Variants in PCDH9 observed in about 807,000 individuals in gnomAD.
The protein encoded by PCDH9 is protocadherin 9, also known as protocadherin-9.
A neutral mutation model predicts 70.6 loss-of-function variants in PCDH9; 24 were observed. That is an observed-to-expected ratio of 0.34 (90% confidence interval 0.25 to 0.48). PCDH9 has a LOEUF of 0.48. Ranked by LOEUF, PCDH9 falls within the 20% of genes least tolerant of loss-of-function variation. The pLI is 0.99. For synonymous variants in PCDH9, 562 were observed against 558.5 expected (o/e 1.01, Z -0.09); for missense variants, 1,281 against 1,503.6 (o/e 0.85, Z 2.45).
chr13:66,651,916 A>T (rs2077857802), intron 3 of PCDH9, among the ~76,000 whole-genome samples: 1 of 152,076 alleles, frequency 6.6e-6, no homozygotes, highest in Non-Finnish European at 1.5e-5. Flanking sequence ...AAACCATAAC[A>T]TCCTTTCAAC....
At chr13:66,402,867 A>G (rs184685925) in intron 4 of PCDH9, among the ~76,000 whole-genome samples, 1 of 152,316 alleles carries the variant, frequency 6.6e-6, no homozygotes, top group Non-Finnish European at 1.5e-5. Flanking sequence ...TTATGTCTCT[A>G]AGTGTTTTAA....
At chr13:67,118,985 C>T (rs1330414288) in intron 2 of PCDH9, among the ~76,000 whole-genome samples, 1 of 152,132 alleles carries the variant, frequency 6.6e-6, no homozygotes, top group African/African-American at 2.4e-5. Context: ...GGATTTAAAA[C>T]AACTTCTTTG....
chr13:66,609,957 T>C (rs1431451102), intron 4 of PCDH9, among the ~76,000 whole-genome samples: 1 of 144,832 alleles, frequency 6.9e-6, no homozygotes, highest in Non-Finnish European at 1.5e-5. Context: ...TTTCCTTCTT[T>C]TTTTTTTTTT....
Position 67,192,784 on chromosome 13 carries a change from G to A in PCDH9, c.3036+32621C>T, listed in dbSNP as rs368165989. On this transcript the variant is annotated intron_variant, in intron 2 of 4. Coordinates refer to ENST00000377865, the MANE Select transcript of PCDH9 (RefSeq NM_203487.3). ...GGGATAGTCCTTTCTTTACATTTAC[G>A]TCCAAAGCTACACCTTTGAAACCAC... 3.7e-4 allele frequency among the ~76,000 whole-genome samples: 57 copies of A among 152,160 alleles called. No homozygotes were observed. In the East Asian group the frequency reaches 8.3e-3, roughly 22 times the overall value.
At chr13:66,362,968 G>A (rs1013801611) in intron 4 of PCDH9, among the ~76,000 whole-genome samples, 1 of 152,106 alleles carries the variant, frequency 6.6e-6, no homozygotes, top group Non-Finnish European at 1.5e-5. Context: ...ATCACTTGAG[G>A]TCAGGTGTTC....
intron 2 of PCDH9, among the ~76,000 whole-genome samples, chr13:66,912,617 G>A (rs2139622851): frequency 6.6e-6 from 1 of 151,920 alleles, no homozygotes; most frequent in East Asian, 1.9e-4. Flanking sequence ...TGTATTCATG[G>A]AATATTCATT....
At chr13:66,553,849 T>G (rs1230715966) in intron 4 of PCDH9, among the ~76,000 whole-genome samples, 1 of 152,206 alleles carries the variant, frequency 6.6e-6, no homozygotes, top group Non-Finnish European at 1.5e-5. Flanking sequence ...CCAAAAGAAC[T>G]ATTTAATCTT....
At chr13:66,846,136 C>CAAAAAAAAAAAAAAAAAAA (rs56199120) in intron 3 of PCDH9, among the ~76,000 whole-genome samples, 1 of 134,524 alleles carries the variant, frequency 7.4e-6, no homozygotes. Flanking sequence ...AAAAAAAGAC[C>CAAAAAAAAAAAAAAAAAAA]AAAAAAAAAA....
intron 3 of PCDH9, among the ~76,000 whole-genome samples, chr13:66,833,724 T>G (rs906891693): frequency 2.6e-5 from 4 of 152,206 alleles, no homozygotes; most frequent in Non-Finnish European, 5.9e-5. Flanking sequence ...CAACTTCATA[T>G]AGAAAAAAAA....
chr13:67,212,480 G>C (rs1398487734), intron 2 of PCDH9: 1 of 151,806 alleles, frequency 6.6e-6, no homozygotes, highest in Non-Finnish European at 1.5e-5. Flanking sequence ...GCTGTTCCTG[G>C]ATCACAGCAG....
At chr13:66,707,584 A>T (rs1223591662) in intron 3 of PCDH9, among the ~76,000 whole-genome samples, 1 of 152,226 alleles carries the variant, frequency 6.6e-6, no homozygotes, top group African/African-American at 2.4e-5. Flanking sequence ...GGGATAATAA[A>T]CATTAATTAA....
chr13:67,087,166 A>G (rs928695712), intron 2 of PCDH9, among the ~76,000 whole-genome samples: 7 of 151,412 alleles, frequency 4.6e-5, no homozygotes, highest in Non-Finnish European at 1.0e-4. Flanking sequence ...ATCTCTTTGC[A>G]TGGTTTCAGC....
rs889244572 is a variant in PCDH9 at position 66,727,247 on chromosome 13, T to C, written c.3139-95836A>G. ...CTGCACACCAGCCAGGATGACAGAG[T>C]GAGCTCCTGTCTCAAAAAAGGTAAA... is the stretch of plus-strand genomic sequence containing the variant. On this transcript the variant is annotated intron_variant, in intron 3 of 4. Coordinates refer to ENST00000377865, the MANE Select transcript of PCDH9 (RefSeq NM_203487.3). Among the ~76,000 whole-genome samples, 9 of 152,014 alleles carry C rather than the reference T, an allele frequency of 5.9e-5. No individual in the cohort carries two copies. The East Asian group carries it at 1.7e-3, about 29-fold the overall frequency.
In PCDH9 at chr13:66,625,562, G is replaced by T. The variant is rs190425481; in HGVS notation, c.3340+5648C>A. Reference sequence around the variant, plus strand: ...AATATAATTTTACACAATTATTTTTGATAATAACTTTGAAATGTTAATATA... The same window carrying T: ...AATATAATTTTACACAATTATTTTTTATAATAACTTTGAAATGTTAATATA... On this transcript the variant is annotated intron_variant, in intron 4 of 4. Coordinates refer to ENST00000377865, the MANE Select transcript of PCDH9 (RefSeq NM_203487.3). Among the ~76,000 whole-genome samples the T allele has an allele frequency of 3.4e-3, 513 of 151,026 alleles. 2 individuals carry two copies. Among genetic ancestry groups the T allele is most frequent in the African/African-American group, 0.011 (470 of 41,166 alleles).
intron 2 of PCDH9, among the ~76,000 whole-genome samples, chr13:66,991,703 C>A (rs1454830958): frequency 6.6e-6 from 1 of 151,928 alleles, no homozygotes; most frequent in Non-Finnish European, 1.5e-5. Context: ...AACAAACAAA[C>A]AGAATCCGAA....
intron 4 of PCDH9, among the ~76,000 whole-genome samples, chr13:66,390,842 C>T (rs1342516866): frequency 6.6e-6 from 1 of 152,080 alleles, no homozygotes. Flanking sequence ...ATAGAAACTG[C>T]TATCATGGAG....
intron 4 of PCDH9, among the ~76,000 whole-genome samples, chr13:66,420,184 T>C (rs7139700): frequency 0.4 from 60,167 of 152,002 alleles, 12,535 homozygotes; most frequent in East Asian, 0.51. Flanking sequence ...CAGGGGCTTA[T>C]AGATAAAACT....
chr13:67,204,724 T>C (rs1476386117), intron 2 of PCDH9: 2 of 152,182 alleles, frequency 1.3e-5, no homozygotes, highest in African/African-American at 4.8e-5. Flanking sequence ...AATTTTCTTT[T>C]TCACAAAACC....
intron 3 of PCDH9, among the ~76,000 whole-genome samples, chr13:66,734,636 C>T (rs1402095926): frequency 2.6e-5 from 4 of 152,154 alleles, no homozygotes; most frequent in African/African-American, 9.7e-5. Flanking sequence ...TAATCAATGT[C>T]TACCTCTTCT....
Sources: gnomAD v4.1 joint callset for allele counts (sites outside exome capture counted in the v4.1 genomes callset) on GRCh38, gnomAD v4.1.1 for gene constraint, MANE v1.5 for transcripts, NCBI Gene and HGNC (gene_info 2026-07-23, HGNC 2026-07-21) for gene names.